The following ZFHX3 variants were observed in gnomAD, a reference collection of about 807,000 sequenced individuals.
ZFHX3 encodes zinc finger homeobox 3.
Under a neutral mutation model 279.1 loss-of-function variants are expected in ZFHX3, and 42 were observed. The observed-to-expected ratio is 0.15, with a 90% CI of 0.12 to 0.19. The LOEUF is 0.19. Ranked by LOEUF, ZFHX3 falls within the 10% of genes least tolerant of loss-of-function variation. ZFHX3 has a pLI of 1.00. For missense variants in ZFHX3, 4,981 were observed against 4,754.0 expected, an observed-to-expected ratio of 1.05 and a Z score of -1.40; for synonymous variants, 2,293 against 1,957.8, an observed-to-expected ratio of 1.17 and a Z score of -4.52.
intron 4 of ZFHX3, among the ~76,000 whole-genome samples, chr16:73,284,992 C>A (rs2014557200): frequency 6.6e-6 from 1 of 152,204 alleles, no homozygotes; most frequent in African/African-American, 2.4e-5. Flanking sequence ...AGGCCTGCAC[C>A]AGCACGCCTG....
chr16:72,900,723 A>G (rs757419958), intron 3 of ZFHX3, among the ~76,000 whole-genome samples: 11 of 152,180 alleles, frequency 7.2e-5, no homozygotes, highest in South Asian at 2.1e-4. Flanking sequence ...GGCCATCCCA[A>G]GGGTTTCTGA....
chr16:73,249,560 C>T (rs1320579566), intron 5 of ZFHX3, among the ~76,000 whole-genome samples: 1 of 152,092 alleles, frequency 6.6e-6, no homozygotes, highest in East Asian at 1.9e-4. Context: ...GGGAAACCGC[C>T]CCCAAGATTC....
chr16:73,490,636 G>A (rs1278977499), intron 2 of ZFHX3, among the ~76,000 whole-genome samples: 1 of 152,102 alleles, frequency 6.6e-6, no homozygotes, highest in Non-Finnish European at 1.5e-5. Flanking sequence ...CCAGGAGCTT[G>A]AGACTAGCCT....
At chr16:73,807,125 G>A (rs771993829) in intron 1 of ZFHX3, among the ~76,000 whole-genome samples, 2 of 152,178 alleles carry the variant, frequency 1.3e-5, no homozygotes, top group Non-Finnish European at 2.9e-5. Flanking sequence ...TCCAGCTGGA[G>A]CACCCGAGAA....
intron 4 of ZFHX3, among the ~76,000 whole-genome samples, chr16:73,291,728 C>A (rs909147260): frequency 1.3e-5 from 2 of 152,148 alleles, no homozygotes; most frequent in African/African-American, 4.8e-5. Context: ...TAGAACCTGT[C>A]ATGAGCCATA....
At chr16:72,905,541 T>G (rs773765018) in intron 3 of ZFHX3, among the ~76,000 whole-genome samples, 2 of 151,884 alleles carry the variant, frequency 1.3e-5, no homozygotes, top group Non-Finnish European at 2.9e-5. Flanking sequence ...ATCGAGACGA[T>G]CAAGACCACA....
At chr16:73,842,040 C>A (rs1007050731) in intron 1 of ZFHX3, among the ~76,000 whole-genome samples, 4 of 151,064 alleles carry the variant, frequency 2.6e-5, no homozygotes, top group African/African-American at 9.8e-5. Context: ...CATGGTGAAA[C>A]CCGTCTCTAC....
intron 3 of ZFHX3, among the ~76,000 whole-genome samples, chr16:73,418,818 T>C (rs1484572135): frequency 1.3e-5 from 2 of 152,202 alleles, no homozygotes; most frequent in Non-Finnish European, 2.9e-5. Flanking sequence ...CATTCCTTTG[T>C]ACATATATAT....
chr16:73,867,113 A>G (rs920028697), intron 1 of ZFHX3, among the ~76,000 whole-genome samples: 1 of 152,052 alleles, frequency 6.6e-6, no homozygotes, highest in Non-Finnish European at 1.5e-5. Context: ...CCCCACCTCA[A>G]CTACAGGTGA....
At chr16:73,053,993 A>G (rs917264179) in intron 1 of ZFHX3, among the ~76,000 whole-genome samples, 19 of 147,748 alleles carry the variant, frequency 1.3e-4, no homozygotes, top group Non-Finnish European at 2.5e-4. Context: ...CCCACAAGAA[A>G]ACGCATGACA....
At chr16:73,353,668 A>G (rs1167943015) in intron 3 of ZFHX3, among the ~76,000 whole-genome samples, 1 of 152,158 alleles carries the variant, frequency 6.6e-6, no homozygotes, top group African/African-American at 2.4e-5. Context: ...AAGTAGATGG[A>G]GATGCTGCAG....
chr16:73,510,187 CA>C (rs1423006988), intron 2 of ZFHX3, among the ~76,000 whole-genome samples: 6 of 152,182 alleles, frequency 3.9e-5, no homozygotes, highest in Non-Finnish European at 7.3e-5. Flanking sequence ...TAGCCACTTG[CA>C]ATTACACCAC....
chr16:72,911,873 G>A (rs1361266968), intron 3 of ZFHX3, among the ~76,000 whole-genome samples: 1 of 152,150 alleles, frequency 6.6e-6, no homozygotes, highest in Non-Finnish European at 1.5e-5. Context: ...CAGAGGGCAG[G>A]GGGAGAGGGA....
intron 2 of ZFHX3, among the ~76,000 whole-genome samples, chr16:73,673,524 G>C (rs1306365547): frequency 6.6e-6 from 1 of 151,876 alleles, no homozygotes; most frequent in African/African-American, 2.4e-5. Context: ...GGCTCTCACA[G>C]TCTGCCACCC....
At chr16:73,350,683 C>T (rs1304048092) in intron 3 of ZFHX3, among the ~76,000 whole-genome samples, 1 of 152,198 alleles carries the variant, frequency 6.6e-6, no homozygotes, top group East Asian at 1.9e-4. Flanking sequence ...CATCCTGACC[C>T]TTCGGTCAAG....
intron 2 of ZFHX3, among the ~76,000 whole-genome samples, chr16:73,562,622 G>A (rs2020388424): frequency 6.8e-6 from 1 of 146,674 alleles, no homozygotes; most frequent in African/African-American, 2.5e-5. Flanking sequence ...AAAAGTGGCT[G>A]TGAAAAGCCT....
At chr16:73,877,572 C>T (rs923128864) in intron 1 of ZFHX3, among the ~76,000 whole-genome samples, 10 of 152,040 alleles carry the variant, frequency 6.6e-5, no homozygotes, top group Non-Finnish European at 1.5e-4. Flanking sequence ...GAGCTAACAG[C>T]CAAAGACACC....
At chr16:73,451,945 C>G (rs2018287629) in intron 3 of ZFHX3, among the ~76,000 whole-genome samples, 1 of 152,078 alleles carries the variant, frequency 6.6e-6, no homozygotes, top group South Asian at 2.1e-4. Context: ...GACAAACAGA[C>G]TTATAGACAA....
At chr16:73,314,517 C>T (rs1413421302) in intron 4 of ZFHX3, among the ~76,000 whole-genome samples, 2 of 152,186 alleles carry the variant, frequency 1.3e-5, no homozygotes, top group African/African-American at 4.8e-5. Context: ...GATGGAAACT[C>T]CAACCACTGG....
Sources: gnomAD v4.1 joint callset for allele counts (sites outside exome capture counted in the v4.1 genomes callset) on GRCh38, gnomAD v4.1.1 for gene constraint, MANE v1.5 for transcripts, NCBI Gene and HGNC (gene_info 2026-07-23, HGNC 2026-07-21) for gene names.